GRID1: variants seen among roughly 807,000 people sequenced by gnomAD.
The protein encoded by GRID1 is glutamate receptor ionotropic, delta-1.
Under a neutral mutation model 98.0 loss-of-function variants are expected in GRID1, and 28 were observed. The observed-to-expected ratio is 0.29, with a 90% CI of 0.21 to 0.39. The LOEUF is 0.39. GRID1 is among the 10% of genes least tolerant of loss of function. The probability of loss-of-function intolerance (pLI) is 1.00; values close to 1 mark genes in which losing one functional copy is unlikely to be tolerated. For missense variants in GRID1, 1,111 were observed against 1,340.5 expected (o/e 0.83, Z 2.67); for synonymous variants, 553 against 538.5 (o/e 1.03, Z -0.37).
intron 5 of GRID1, among the ~76,000 whole-genome samples, chr10:85,881,954 G>A (rs1841034397): frequency 6.6e-6 from 1 of 152,120 alleles, no homozygotes. Flanking sequence ...CCATCAAAAA[G>A]TGGGCAAAGG....
intron 2 of GRID1, among the ~76,000 whole-genome samples, chr10:86,226,731 C>T (rs1372779361): frequency 2.7e-5 from 4 of 148,940 alleles, no homozygotes; most frequent in African/African-American, 1.0e-4. Context: ...AGTCCCAGCC[C>T]GGCCTCCTCA....
At position 85,601,058 on chromosome 10, in the gene GRID1, C is replaced by T. The variant is rs750995261; in HGVS notation, c.*1215G>A. 7 of 152,232 alleles carry T rather than the reference C, an allele frequency of 4.6e-5. No individual in the cohort carries two copies. Among genetic ancestry groups the T allele is most frequent in the Non-Finnish European group, 7.3e-5 (5 of 68,088 alleles). The allele number at this position is 152,232 out of a possible 1,614,324, so 9.4% of individuals were successfully genotyped here. A position where few individuals can be genotyped will look rare whatever the true frequency, so the allele number is the denominator to read the frequency against. On this transcript the variant is annotated 3_prime_UTR_variant, in exon 16 of 16. Transcript: ENST00000327946. The stretch of plus-strand genomic sequence containing the variant: ...TACTTTTGGGGCTACAAGCAACTTC[C>T]CTGGTGGATGGGAGTTACACTTATG...
At chr10:86,046,451 C>A (rs1054100366) in intron 4 of GRID1, among the ~76,000 whole-genome samples, 15 of 152,282 alleles carry the variant, frequency 9.9e-5, no homozygotes, top group Non-Finnish European at 1.9e-4. Context: ...ATGAGCTAAG[C>A]CCCACTTGGG....
chr10:85,895,014 A>T (rs200351239), intron 5 of GRID1, among the ~76,000 whole-genome samples: 5,658 of 107,970 alleles, frequency 0.052, 119 homozygotes, highest in Middle Eastern at 0.059. Context: ...AAAAAAAAAA[A>T]AAATATATAT....
intron 13 of GRID1, among the ~76,000 whole-genome samples, chr10:85,637,440 T>A (rs1843059376): frequency 6.6e-6 from 1 of 152,192 alleles, no homozygotes; most frequent in African/African-American, 2.4e-5. Flanking sequence ...CACATTTTAA[T>A]TGGTCAAGGC....
chr10:86,364,435 T>C (rs1848647026), intron 1 of GRID1, among the ~76,000 whole-genome samples: 2 of 152,100 alleles, frequency 1.3e-5, no homozygotes, highest in African/African-American at 4.8e-5. Flanking sequence ...CAAGCTGGGG[T>C]GGCCCCAGGC....
intron 2 of GRID1, among the ~76,000 whole-genome samples, chr10:86,362,099 T>G (rs1386011423): frequency 1.3e-5 from 2 of 152,174 alleles, no homozygotes; most frequent in African/African-American, 4.8e-5. Flanking sequence ...CCCACCACAC[T>G]GTGAGCTCCT....
intron 8 of GRID1, among the ~76,000 whole-genome samples, chr10:85,853,735 T>C (rs1162866043): frequency 6.6e-6 from 1 of 152,204 alleles, no homozygotes; most frequent in Non-Finnish European, 1.5e-5. Context: ...CTTGGATAAT[T>C]GTTCTAAGCC....
At chr10:86,062,900 C>T (rs760584878) in intron 4 of GRID1, among the ~76,000 whole-genome samples, 4 of 152,252 alleles carry the variant, frequency 2.6e-5, no homozygotes, top group Non-Finnish European at 4.4e-5. Flanking sequence ...CCCTCACTAT[C>T]GCTCACTGGG....
chr10:86,348,084 G>A (rs746922604), intron 2 of GRID1, among the ~76,000 whole-genome samples: 3 of 152,190 alleles, frequency 2.0e-5, no homozygotes, highest in Admixed American at 6.5e-5. Context: ...TCCAACAGCC[G>A]GTGTGCACTG....
chr10:86,285,697 C>A (rs2132071285), intron 2 of GRID1, among the ~76,000 whole-genome samples: 1 of 152,296 alleles, frequency 6.6e-6, no homozygotes, highest in Non-Finnish European at 1.5e-5. Flanking sequence ...GTTGGCATGG[C>A]TGTAGGTCTA....
chr10:86,120,406 T>C (rs1206386060), intron 4 of GRID1, among the ~76,000 whole-genome samples: 2 of 152,196 alleles, frequency 1.3e-5, no homozygotes, highest in African/African-American at 4.8e-5. Flanking sequence ...GCCCTCACAA[T>C]CCCTGTACTT....
chr10:86,284,900 G>T (rs1847407851), intron 2 of GRID1, among the ~76,000 whole-genome samples: 1 of 152,170 alleles, frequency 6.6e-6, no homozygotes, highest in Non-Finnish European at 1.5e-5. Flanking sequence ...CTCTACCCTG[G>T]TCTGCAGAGT....
chr10:85,642,772 T>A (rs1476511291), intron 13 of GRID1, among the ~76,000 whole-genome samples: 1 of 152,242 alleles, frequency 6.6e-6, no homozygotes. Flanking sequence ...CATCTTTTGC[T>A]ACTGATTTTT....
At chr10:86,204,868 T>C (rs1201201050) in intron 3 of GRID1, among the ~76,000 whole-genome samples, 2 of 151,992 alleles carry the variant, frequency 1.3e-5, no homozygotes, top group African/African-American at 2.4e-5. Flanking sequence ...GGCTGGACTT[T>C]GGGGTTGAGC....
At chr10:85,640,825 G>C (rs1192902796) in intron 13 of GRID1, among the ~76,000 whole-genome samples, 1 of 152,234 alleles carries the variant, frequency 6.6e-6, no homozygotes, top group East Asian at 1.9e-4. Context: ...GCAAGCATTA[G>C]ACCAGGAGTG....
chr10:86,331,592 C>T (rs965369792), intron 2 of GRID1, among the ~76,000 whole-genome samples: 3 of 152,202 alleles, frequency 2.0e-5, no homozygotes, highest in Non-Finnish European at 2.9e-5. Context: ...GACAGAGACT[C>T]CTAGTCTCCC....
chr10:86,227,382 G>C (rs1846369454), intron 2 of GRID1, among the ~76,000 whole-genome samples: 1 of 152,168 alleles, frequency 6.6e-6, no homozygotes, highest in African/African-American at 2.4e-5. Context: ...ATAGTAGTGG[G>C]GGGCTGCAGC....
intron 4 of GRID1, among the ~76,000 whole-genome samples, chr10:86,096,459 T>C (rs1187584671): frequency 1.3e-5 from 2 of 152,230 alleles, no homozygotes; most frequent in Non-Finnish European, 1.5e-5. Flanking sequence ...CAGTTAATTA[T>C]ACTGGACCAC....
Sources: gnomAD v4.1 joint callset for allele counts (sites outside exome capture counted in the v4.1 genomes callset) on GRCh38, gnomAD v4.1.1 for gene constraint, MANE v1.5 for transcripts, NCBI Gene and HGNC (gene_info 2026-07-23, HGNC 2026-07-21) for gene names.